DMC1: variants seen among roughly 807,000 people sequenced by gnomAD.
DMC1 encodes meiotic recombination protein DMC1 homolog.
DMC1 carries 27 observed loss-of-function variants against 50.1 expected under a neutral mutation model. That is an observed-to-expected ratio of 0.54 (90% CI 0.40 to 0.74). The LOEUF (loss-of-function observed/expected upper bound fraction) is 0.74, where lower values mean the gene tolerates loss of function less well. DMC1 is among the 30% of genes least tolerant of loss of function. The probability of loss-of-function intolerance (pLI) is 0.00; values close to 1 mark genes in which losing one functional copy is unlikely to be tolerated. For missense variants in DMC1, 295 were observed against 420.2 expected (o/e 0.70, Z 2.60); for synonymous variants, 148 against 136.1 (o/e 1.09, Z -0.61).
intron 8 of DMC1, 195 bp downstream of exon 8, chr22:38,549,729 AC>A: frequency 1.8e-6 from 1 of 569,416 alleles, no homozygotes; most frequent in South Asian, 2.4e-5. Flanking sequence ...TGTCTCATAA[AC>A]CCATATGAAG....
At chr22:38,563,979 C>T (rs370300971) in intron 4 of DMC1, among the ~76,000 whole-genome samples, 1 of 152,086 alleles carries the variant, frequency 6.6e-6, no homozygotes, top group Admixed American at 6.6e-5. Context: ...GGATTACAGG[C>T]GTGAGCCACC....
chr22:38,523,511 T>G (rs2090053163), intron 12 of DMC1, among the ~76,000 whole-genome samples: 1 of 152,238 alleles, frequency 6.6e-6, no homozygotes, highest in Non-Finnish European at 1.5e-5. Flanking sequence ...ATGTTCTGCC[T>G]TTAGTACTAT....
At chr22:38,553,867 A>G (rs974368062) in intron 6 of DMC1, among the ~76,000 whole-genome samples, 8 of 150,722 alleles carry the variant, frequency 5.3e-5, no homozygotes, top group Non-Finnish European at 7.4e-5. Flanking sequence ...GCTGAGGCAG[A>G]ATTGCTTGAA....
At chr22:38,524,590 CAG>C (rs2088909871) in intron 12 of DMC1, among the ~76,000 whole-genome samples, 1 of 152,034 alleles carries the variant, frequency 6.6e-6, no homozygotes, top group African/African-American at 2.4e-5. Context: ...TTTCTGATTT[CAG>C]AAAGTCTTCT....
chr22:38,524,983 C>T (rs2090071912), intron 12 of DMC1, among the ~76,000 whole-genome samples: 1 of 152,116 alleles, frequency 6.6e-6, no homozygotes, highest in African/African-American at 2.4e-5. Flanking sequence ...ATCGCTTGAA[C>T]CTGGGAGGCA....
intron 12 of DMC1, among the ~76,000 whole-genome samples, chr22:38,533,836 T>C (rs1457338487): frequency 6.6e-6 from 1 of 152,202 alleles, no homozygotes; most frequent in Non-Finnish European, 1.5e-5. Flanking sequence ...CATGTGAATA[T>C]CATCTTAATC....
chr22:38,567,971 C>CGT (rs905791631), intron 2 of DMC1, among the ~76,000 whole-genome samples: 4 of 152,154 alleles, frequency 2.6e-5, no homozygotes, highest in Non-Finnish European at 4.4e-5. Flanking sequence ...ATTCGGTACC[C>CGT]GTGTGTGTAG....
chr22:38,538,904 C>T (rs1274670951), intron 9 of DMC1, among the ~76,000 whole-genome samples: 6 of 152,026 alleles, frequency 3.9e-5, no homozygotes, highest in East Asian at 3.9e-4. Flanking sequence ...GGTGTGGTGG[C>T]GTGTGCCTGT....
At chr22:38,527,358 C>T (rs1433273074) in intron 12 of DMC1, among the ~76,000 whole-genome samples, 1 of 151,876 alleles carries the variant, frequency 6.6e-6, no homozygotes, top group African/African-American at 2.4e-5. Flanking sequence ...GCGCCCGCCA[C>T]CAAGCCCAGC....
the DMC1 span, among the ~76,000 whole-genome samples, chr22:38,510,701 CT>C: frequency 6.6e-6 from 1 of 152,180 alleles, no homozygotes. Flanking sequence ...AAGGAAACTG[CT>C]GTAGTTGTTT....
At chr22:38,569,638 C>G (rs1247860329) in intron 1 of DMC1, among the ~76,000 whole-genome samples, 2 of 152,336 alleles carry the variant, frequency 1.3e-5, no homozygotes, top group East Asian at 3.9e-4. Context: ...CTCAAGGAGC[C>G]GTTGATAGAC....
At chr22:38,551,202 C>T (rs1190645025) in intron 7 of DMC1, among the ~76,000 whole-genome samples, 1 of 151,498 alleles carries the variant, frequency 6.6e-6, no homozygotes, top group Non-Finnish European at 1.5e-5. Flanking sequence ...GAGCTGAGAT[C>T]GCGCCACTGC....
At chr22:38,511,807 C>T in the DMC1 span, among the ~76,000 whole-genome samples, 2 of 152,076 alleles carry the variant, frequency 1.3e-5, no homozygotes, top group South Asian at 2.1e-4. Flanking sequence ...TTTAGCTGGG[C>T]ATATTGATGT....
chr22:38,563,882 AG>A (rs34321894), intron 4 of DMC1, among the ~76,000 whole-genome samples: 325 of 152,114 alleles, frequency 2.1e-3, no homozygotes, highest in Admixed American at 7.4e-3. Context: ...TTGTATTTTT[AG>A]TAGAGACAGG....
At chr22:38,562,623 T>G (rs1209551493) in intron 4 of DMC1, among the ~76,000 whole-genome samples, 1 of 152,110 alleles carries the variant, frequency 6.6e-6, no homozygotes, top group Non-Finnish European at 1.5e-5. Context: ...TTGCTATACA[T>G]CAGCTTCCTC....
intron 8 of DMC1, among the ~76,000 whole-genome samples, chr22:38,542,538 T>G (rs1475214441): frequency 6.6e-6 from 1 of 152,120 alleles, no homozygotes; most frequent in African/African-American, 2.4e-5. Flanking sequence ...AAAACATTGA[T>G]GAAATACATT....
chr22:38,521,458 C>G (rs2090023068), intron 13 of DMC1, 150 bp downstream of exon 13: 4 of 601,796 alleles, frequency 6.6e-6, no homozygotes, highest in Non-Finnish European at 1.2e-5. Flanking sequence ...AGTCCCAGCA[C>G]TTTGGGAGCC....
the DMC1 span, among the ~76,000 whole-genome samples, chr22:38,510,597 C>T: frequency 6.6e-6 from 1 of 152,210 alleles, no homozygotes; most frequent in African/African-American, 2.4e-5. Context: ...TTCAGCCAGC[C>T]TACTAGCTGA....
At chr22:38,535,437 CAT>C (rs1002339736) in intron 12 of DMC1, among the ~76,000 whole-genome samples, 2 of 151,854 alleles carry the variant, frequency 1.3e-5, no homozygotes, top group South Asian at 2.1e-4. Flanking sequence ...CACACACACA[CAT>C]ACAGGAGAGA....
Sources: allele counts gnomAD v4.1 joint callset (sites outside exome capture counted in the v4.1 genomes callset), GRCh38; gene constraint gnomAD v4.1.1; transcripts MANE v1.5; gene names NCBI Gene and HGNC (gene_info 2026-07-23, HGNC 2026-07-21).